Variants in OTUD7A observed in about 807,000 individuals in gnomAD.
OTUD7A encodes the protein OTU domain-containing protein 7A.
In OTUD7A, 12 loss-of-function variants were observed where a neutral mutation model predicts 65.7. The observed-to-expected ratio is 0.18, with a 90% CI of 0.12 to 0.30. OTUD7A has a LOEUF of 0.30. Among genes scored for constraint, OTUD7A ranks in the 10% least tolerant of loss-of-function variants. The probability of loss-of-function intolerance (pLI) is 1.00; values close to 1 mark genes in which losing one functional copy is unlikely to be tolerated. For missense variants in OTUD7A, 1,148 were observed against 1,304.8 expected, an observed-to-expected ratio of 0.88 and a Z score of 1.85; for synonymous variants, 641 against 586.3, an observed-to-expected ratio of 1.09 and a Z score of -1.35.
rs1285480119 is a variant in OTUD7A at position 31,507,646 on chromosome 15, G to A, written c.894-3828C>T. 6.9e-5 allele frequency among the ~76,000 whole-genome samples: 10 copies of A among 145,780 alleles called. No homozygotes were observed. The Admixed American group carries it at 6.9e-4, about 10-fold the overall frequency. ...TGCCGCTGCTGGCTGGGGGGCGGGG[G>A]TGGCAAGCTTTTATTCCCTTATTGG... On this transcript the variant is annotated intron_variant, in intron 8 of 12. Coordinates refer to ENST00000307050, the MANE Select transcript of OTUD7A (RefSeq NM_001382637.1).
At chr15:31,535,969 C>T (rs749467860) in intron 5 of OTUD7A, among the ~76,000 whole-genome samples, 7 of 152,056 alleles carry the variant, frequency 4.6e-5, no homozygotes, top group Admixed American at 6.6e-5. Flanking sequence ...TGTGAGCCAC[C>T]GCGCCTGGCC....
In OTUD7A at chr15:31,503,165, T is replaced by C. The variant is rs139318097; in HGVS notation, c.1021+526A>G. 2.2e-3 allele frequency among the ~76,000 whole-genome samples: 331 copies of C among 152,258 alleles called. 1 individual carries two copies. Among genetic ancestry groups the C allele is most frequent in the African/African-American group, 7.5e-3 (311 of 41,538 alleles). ...GTAGCAAGGGCTGAATGGAGGAACA[T>C]TCTAGAAGGGGCTGTGCACAGAGTG... On this transcript the variant is annotated intron_variant, in intron 9 of 12. Coordinates refer to ENST00000307050, the MANE Select transcript of OTUD7A (RefSeq NM_001382637.1).
intron 1 of OTUD7A, among the ~76,000 whole-genome samples, chr15:31,741,535 CG>C (rs1304667381): frequency 6.6e-6 from 1 of 151,758 alleles, no homozygotes; most frequent in East Asian, 1.9e-4. Context: ...ATGTTAGAAA[CG>C]TAAGTAAAAT....
chr15:31,586,370 G>A (rs921420743), intron 3 of OTUD7A, among the ~76,000 whole-genome samples: 1 of 152,220 alleles, frequency 6.6e-6, no homozygotes, highest in South Asian at 2.1e-4. Context: ...GCTATGGTGT[G>A]TTAGATAGCA....
intron 5 of OTUD7A, among the ~76,000 whole-genome samples, chr15:31,547,812 A>G (rs1888179698): frequency 6.6e-6 from 1 of 152,220 alleles, no homozygotes; most frequent in Non-Finnish European, 1.5e-5. Context: ...TCCCCGAGAT[A>G]TTAGCTCTAA....
chr15:31,611,612 T>C (rs1890423415), intron 3 of OTUD7A, among the ~76,000 whole-genome samples: 1 of 152,060 alleles, frequency 6.6e-6, no homozygotes, highest in South Asian at 2.1e-4. Context: ...TCAGGAAGAA[T>C]TAGATACCCT....
At chr15:31,604,791 G>A (rs1890189713) in intron 3 of OTUD7A, among the ~76,000 whole-genome samples, 1 of 152,194 alleles carries the variant, frequency 6.6e-6, no homozygotes, top group Non-Finnish European at 1.5e-5. Context: ...GCAGGGTGGG[G>A]TGAGAAGCTC....
intron 1 of OTUD7A, among the ~76,000 whole-genome samples, chr15:31,817,424 C>T (rs953662654): frequency 6.6e-6 from 1 of 152,118 alleles, no homozygotes; most frequent in East Asian, 1.9e-4. Context: ...AGATTAGGTG[C>T]CTTTTAGTGA....
chr15:31,869,311 C>G (rs1897961531), intron 1 of OTUD7A, among the ~76,000 whole-genome samples: 1 of 152,210 alleles, frequency 6.6e-6, no homozygotes, highest in Non-Finnish European at 1.5e-5. Flanking sequence ...AGTGAACCTG[C>G]CTCCCCGCCT....
At position 31,713,992 on chromosome 15, in the gene OTUD7A, G is replaced by A. The variant is rs544757928; in HGVS notation, c.-99-56915C>T. On this transcript the variant is annotated intron_variant, in intron 1 of 12. Coordinates refer to ENST00000307050, the MANE Select transcript of OTUD7A (RefSeq NM_001382637.1). Reference sequence around the variant, plus strand: ...ATTGAAAATACCGAGTGTTGGCAAAGATGTGACGCAACCAGGGCCCTCCCA... The same window carrying A: ...ATTGAAAATACCGAGTGTTGGCAAAAATGTGACGCAACCAGGGCCCTCCCA... 1.4e-3 allele frequency among the ~76,000 whole-genome samples: 209 copies of A among 144,216 alleles called. 3 individuals carry two copies. The highest frequency in any genetic ancestry group is 6.1e-4 in the Non-Finnish European group (40 of 65,290). 94.6% of individuals were successfully genotyped at this position (144,216 alleles called of 152,430 possible).
intron 1 of OTUD7A, among the ~76,000 whole-genome samples, chr15:31,869,789 G>C (rs1897976709): frequency 6.6e-6 from 1 of 152,192 alleles, no homozygotes; most frequent in South Asian, 2.1e-4. Context: ...CACTTGAGCG[G>C]TTGTGTCCAA....
intron 8 of OTUD7A, among the ~76,000 whole-genome samples, chr15:31,513,233 C>T (rs1034189916): frequency 3.7e-4 from 57 of 152,234 alleles, no homozygotes; most frequent in African/African-American, 1.3e-3. Context: ...AAAATAGTTG[C>T]GCACATACAG....
At chr15:31,858,644 A>T (rs974232155) in intron 1 of OTUD7A, among the ~76,000 whole-genome samples, 1 of 152,232 alleles carries the variant, frequency 6.6e-6, no homozygotes, top group Non-Finnish European at 1.5e-5. Context: ...GAGACACAGG[A>T]GAATGAGGCA....
At chr15:31,616,866 A>G (rs1484943462) in intron 3 of OTUD7A, among the ~76,000 whole-genome samples, 1 of 152,158 alleles carries the variant, frequency 6.6e-6, no homozygotes, top group Admixed American at 6.5e-5. Flanking sequence ...TTAAGTTTAA[A>G]AGAAAGAATA....
At chr15:31,685,918 T>C (rs953781119) in intron 1 of OTUD7A, among the ~76,000 whole-genome samples, 1 of 152,206 alleles carries the variant, frequency 6.6e-6, no homozygotes, top group South Asian at 2.1e-4. Flanking sequence ...GCACAATGTC[T>C]GTGTGGATCG....
chr15:31,573,773 C>T (rs149969226), intron 3 of OTUD7A, among the ~76,000 whole-genome samples: 14 of 152,276 alleles, frequency 9.2e-5, no homozygotes, highest in East Asian at 3.9e-4. Context: ...TGGTGGGACA[C>T]GCCTGTAGTC....
At chr15:31,834,992 C>T (rs1247488147) in intron 1 of OTUD7A, among the ~76,000 whole-genome samples, 1 of 152,140 alleles carries the variant, frequency 6.6e-6, no homozygotes, top group Non-Finnish European at 1.5e-5. Flanking sequence ...GGTGTAACAC[C>T]CCATCCCCCA....
rs188856541 is a variant in OTUD7A, at chr15:31,603,047, C to T, written c.152-32850G>A. ...GTAATTTATAGATTCAATGCTATCC[C>T]TATCAAGCTACCACTGACTTTCTTC... On this transcript the variant is annotated intron_variant, in intron 3 of 12. Transcript: ENST00000307050. 8.5e-3 allele frequency among the ~76,000 whole-genome samples: 1,290 copies of T among 152,308 alleles called. 15 individuals are homozygous for T. The highest frequency in any genetic ancestry group is 0.013 in the Non-Finnish European group (899 of 68,010).
In OTUD7A at chr15:31,545,122, A is replaced by C. The variant is rs117745490; in HGVS notation, c.550+13847T>G. Reference sequence around the variant, plus strand: ...AGAATAACATCAAAATTGTTGATGGAACAGAACAGACCCAGAATCAGACCC... The same window carrying C: ...AGAATAACATCAAAATTGTTGATGGCACAGAACAGACCCAGAATCAGACCC... On this transcript the variant is annotated intron_variant, in intron 5 of 12. Coordinates refer to ENST00000307050, the MANE Select transcript of OTUD7A (RefSeq NM_001382637.1). Among the ~76,000 whole-genome samples the C allele has an allele frequency of 3.5e-3, 537 of 152,194 alleles. 3 individuals carry two copies. The highest frequency in any genetic ancestry group is 6.0e-3 in the Non-Finnish European group (408 of 67,926).
Sources: gnomAD v4.1 joint callset for allele counts (sites outside exome capture counted in the v4.1 genomes callset) on GRCh38, gnomAD v4.1.1 for gene constraint, MANE v1.5 for transcripts, NCBI Gene and HGNC (gene_info 2026-07-23, HGNC 2026-07-21) for gene names.